C1QTNF6: variants seen among roughly 807,000 people sequenced by gnomAD.
C1QTNF6 encodes C1q and TNF related 6, also known as complement C1q tumor necrosis factor-related protein 6.
Under a neutral mutation model 20.7 loss-of-function variants are expected in C1QTNF6, and 17 were observed. The observed-to-expected ratio is 0.82, with a 90% CI of 0.56 to 1.23. C1QTNF6 has a LOEUF of 1.23. Ranked by LOEUF, C1QTNF6 falls within the 50% of genes most tolerant of loss-of-function variation. The pLI is 0.00. For missense variants in C1QTNF6, 329 were observed against 389.7 expected (o/e 0.84, Z 1.31); for synonymous variants, 130 against 156.3 (o/e 0.83, Z 1.25).
chr22:37,181,966 A>G lies in C1QTNF6; in HGVS notation c.*222T>C. Reference sequence around the variant, plus strand: ...TACGAGGCTGGGAAAGTTCTAGAATATTTAGGTTAGCAAGCTTCTTAAAAT... The same window carrying G: ...TACGAGGCTGGGAAAGTTCTAGAATGTTTAGGTTAGCAAGCTTCTTAAAAT... On this transcript the variant is annotated 3_prime_UTR_variant, in exon 3 of 3. Coordinates refer to ENST00000337843, the MANE Select transcript of C1QTNF6 (RefSeq NM_031910.4). 1 of 573,434 alleles carries G rather than the reference A, an allele frequency of 1.7e-6. No homozygotes were observed. Among genetic ancestry groups the G allele is most frequent in the Non-Finnish European group, 3.0e-6 (1 of 330,020 alleles). 35.5% of individuals were successfully genotyped at this position (573,434 alleles called of 1,614,324 possible). A position where few individuals can be genotyped will look rare whatever the true frequency, so the allele number is the denominator to read the frequency against.
chr22:37,190,474 C>A (rs966620940), upstream of C1QTNF6: 5 of 152,200 alleles, frequency 3.3e-5, no homozygotes, highest in African/African-American at 1.2e-4. Context: ...GCTCCCAGGC[C>A]TGTCAGAAAG....
At chr22:37,183,212 G>A (rs2145759542) in intron 2 of C1QTNF6, among the ~76,000 whole-genome samples, 2 of 152,346 alleles carry the variant, frequency 1.3e-5, no homozygotes, top group East Asian at 3.9e-4. Context: ...GCCCAGGTTA[G>A]GAGCCAGGAA....
In C1QTNF6 at chr22:37,185,367, G is replaced by A. The variant is rs1437475191; in HGVS notation, c.140C>T (p.Thr47Ile). 1 of 1,613,874 alleles carries A rather than the reference G, an allele frequency of 6.2e-7. No homozygotes were observed. The highest frequency in any genetic ancestry group is 8.5e-7 in the Non-Finnish European group (1 of 1,179,952). Residue 47 changes from threonine (T) to isoleucine (I), a missense_variant, in exon 2 of 3, where the codon ACC (threonine) becomes ATC (isoleucine). Thr to Ile is a moderately conservative substitution (Grantham distance 89). Coordinates refer to ENST00000337843, the MANE Select transcript of C1QTNF6 (RefSeq NM_031910.4). ...LMCEIPMVELTFDRAVASGCQ... is the reference protein window; with the variant it reads ...LMCEIPMVELIFDRAVASGCQ... Reference sequence around the variant, plus strand: ...GCCGCTGGCCACAGCTCTGTCAAAGGTGAGCTCCACCATAGGGATCTCACA... The same window carrying A: ...GCCGCTGGCCACAGCTCTGTCAAAGATGAGCTCCACCATAGGGATCTCACA...
At chr22:37,183,670 A>G (rs1158229465) in intron 2 of C1QTNF6, among the ~76,000 whole-genome samples, 2 of 152,248 alleles carry the variant, frequency 1.3e-5, no homozygotes, top group African/African-American at 4.8e-5. Context: ...AAAGGAGGGC[A>G]CAGGCCCTTG....
intron 1 of C1QTNF6, 130 bp from the exon 2 acceptor site, chr22:37,185,585 G>A: frequency 1.4e-6 from 2 of 1,383,920 alleles, no homozygotes; most frequent in South Asian, 1.7e-5. Context: ...GAAGGTTATT[G>A]TCCCCATCTA....
Position 37,184,422 on chromosome 22 carries a change from C to T in C1QTNF6, c.289+796G>A, listed in dbSNP as rs542188315. On this transcript the variant is annotated intron_variant, in intron 2 of 2. Coordinates refer to ENST00000337843, the MANE Select transcript of C1QTNF6 (RefSeq NM_031910.4). This position sits in a 1 kb window ranked among gnomAD's most constrained non-coding sequence, Gnocchi z 4.0. ...CAGCCACCACAGCCTGGAAGGGAAG[C>T]GAGTCCTTCCACGTCCTATTGAGAG... The T allele has an allele frequency of 2.2e-5, 16 of 717,138 alleles. No homozygotes were observed. Among genetic ancestry groups the T allele is most frequent in the Middle Eastern group, 2.3e-4 (1 of 4,364 alleles). 44.4% of individuals were successfully genotyped at this position (717,138 alleles called of 1,614,324 possible).
intron 1 of C1QTNF6, chr22:37,196,516 C>A (rs1925143820): frequency 1.3e-5 from 2 of 152,276 alleles, no homozygotes; most frequent in Admixed American, 1.3e-4. Context: ...TCTCTAGGGG[C>A]TTTTGGTCCC....
upstream of C1QTNF6, among the ~76,000 whole-genome samples, chr22:37,198,698 C>T (rs977029164): frequency 4.6e-5 from 7 of 152,102 alleles, no homozygotes; most frequent in African/African-American, 1.7e-4. Context: ...CGGTCCCCGG[C>T]CCCCGCCCGT....
In C1QTNF6 at chr22:37,182,677, G is replaced by A; in HGVS notation, c.348C>T (p.Pro116=). Residue 116 remains proline (P), a synonymous_variant, in exon 3 of 3, where the codon CCC becomes CCT. Transcript: ENST00000337843. ...TGCCCTGAGGGCCAGGCTCCCCTTG[G>A]GGACCCTCCCTGCCCATGTACCCTG... ...GLPGYMGREG[P]QGEPGPQGSK... is the part of the protein sequence containing the mutation. 6.2e-7 allele frequency: 1 copy of A among 1,612,896 alleles called. No homozygotes were observed. The highest frequency in any genetic ancestry group is 1.1e-5 in the South Asian group (1 of 91,072).
At chr22:37,188,303 TGGAGGGAGAGAGGGC>T (rs1471856401), upstream of C1QTNF6, 3 of 947,182 alleles carry the variant, frequency 3.2e-6, no homozygotes, top group East Asian at 7.6e-5. Context: ...GAGGAGGGGA[TGGAGGGAGAGAGGGC>T]GGAGGGAGGG....
chr22:37,192,928 A>G (rs1239589324), upstream of C1QTNF6, among the ~76,000 whole-genome samples: 1 of 152,242 alleles, frequency 6.6e-6, no homozygotes, highest in African/African-American at 2.4e-5. Context: ...CCTAATAAGC[A>G]GGCACAGCTG....
In C1QTNF6 at chr22:37,181,952, G is replaced by C. The variant is rs1872886355; in HGVS notation, c.*236C>G. 1.8e-6 allele frequency: 1 copy of C among 540,610 alleles called. No homozygotes were observed. Among genetic ancestry groups the C allele is most frequent in the African/African-American group, 1.9e-5 (1 of 52,760 alleles). 33.5% of individuals were successfully genotyped at this position (540,610 alleles called of 1,614,324 possible). A position where few individuals can be genotyped will look rare whatever the true frequency, so the allele number is the denominator to read the frequency against. On this transcript the variant is annotated 3_prime_UTR_variant, in exon 3 of 3. Transcript: ENST00000337843. The stretch of plus-strand genomic sequence containing the variant: ...GAGAAGTGCTGGGCTACGAGGCTGG[G>C]AAAGTTCTAGAATATTTAGGTTAGC...
At chr22:37,190,182 C>T (rs1010334520), upstream of C1QTNF6, among the ~76,000 whole-genome samples, 1 of 152,192 alleles carries the variant, frequency 6.6e-6, no homozygotes, top group Non-Finnish European at 1.5e-5. Flanking sequence ...CCGTTTTTCT[C>T]TCTCCAGTCT....
chr22:37,187,843 T>C (rs28531788), intron 1 of C1QTNF6, among the ~76,000 whole-genome samples: 10 of 152,074 alleles, frequency 6.6e-5, no homozygotes, highest in African/African-American at 2.4e-4. Context: ...AACCAAGTCA[T>C]AGGGAGGACT....
rs113701865 is a variant in C1QTNF6 at position 37,184,038 on chromosome 22, C to G, written c.289+1180G>C. 0.012 allele frequency among the ~76,000 whole-genome samples: 1,820 copies of G among 152,190 alleles called. 35 individuals are homozygous for G. The highest frequency in any genetic ancestry group is 0.042 in the African/African-American group (1,731 of 41,522). On this transcript the variant is annotated intron_variant, in intron 2 of 2. Coordinates refer to ENST00000337843, the MANE Select transcript of C1QTNF6 (RefSeq NM_031910.4). This position sits in a 1 kb window ranked among gnomAD's most constrained non-coding sequence, Gnocchi z 4.0. ...TGAGCTGGGCCCAGGAGCAGTGACCCTGGGTTTGGGGAGGGCAATGAGGAG... is the reference window on the plus strand; with the variant it reads ...TGAGCTGGGCCCAGGAGCAGTGACCGTGGGTTTGGGGAGGGCAATGAGGAG...
chr22:37,194,445 G>C (rs547267570), intron 2 of C1QTNF6, among the ~76,000 whole-genome samples: 1 of 152,206 alleles, frequency 6.6e-6, no homozygotes, highest in African/African-American at 2.4e-5. Flanking sequence ...TGCACCAAGA[G>C]AGGCCAGAAG....
In C1QTNF6 at chr22:37,185,420, C is replaced by T; in HGVS notation, c.87G>A (p.Trp29Ter). The T allele has an allele frequency of 6.2e-7, 1 of 1,610,148 alleles. No individual in the cohort carries two copies. Among genetic ancestry groups the T allele is most frequent in the Non-Finnish European group, 8.5e-7 (1 of 1,177,862 alleles). Reference protein sequence around the residue: ...TMGTAALGPVWAALLLFLLMC... With the variant: ...TMGTAALGPV The stretch of plus-strand genomic sequence containing the variant: ...TCAGGAGAAAGAGCAGGAGCGCTGC[C>T]CAGACGGGACCCAGGGCGGCTGTCC... Residue 29 changes from tryptophan (W) to a stop codon, truncating the protein, a stop_gained, in exon 2 of 3, where the codon TGG (tryptophan) becomes TGA (stop). Transcript: ENST00000337843. LOFTEE classifies it high-confidence loss of function.
upstream of C1QTNF6, among the ~76,000 whole-genome samples, chr22:37,189,499 T>C (rs912730655): frequency 2.0e-5 from 3 of 152,220 alleles, no homozygotes; most frequent in Non-Finnish European, 1.5e-5. Flanking sequence ...TACTCTCTTT[T>C]ACGAGGGAAC....
intron 1 of C1QTNF6, chr22:37,185,980 G>A: frequency 1.0e-6 from 1 of 985,780 alleles, no homozygotes; most frequent in South Asian, 4.7e-5. Flanking sequence ...GGAGGGTTCT[G>A]GAGGCTTGTT....
Sources: allele counts gnomAD v4.1 joint callset (sites outside exome capture counted in the v4.1 genomes callset), GRCh38; gene constraint gnomAD v4.1.1; non-coding constraint Gnocchi (gnomAD v3.1); transcripts MANE v1.5; gene names NCBI Gene and HGNC (gene_info 2026-07-23, HGNC 2026-07-21).